Variants in ITGB1 observed in about 807,000 individuals in gnomAD.
ITGB1 encodes the protein integrin beta-1.
In ITGB1, 24 loss-of-function variants were observed where a neutral mutation model predicts 86.5. That is an observed-to-expected ratio of 0.28 (90% CI 0.20 to 0.39). The LOEUF (loss-of-function observed/expected upper bound fraction) is 0.39, where lower values mean the gene tolerates loss of function less well. Among genes scored for constraint, ITGB1 ranks in the 10% least tolerant of loss-of-function variants. The probability of loss-of-function intolerance (pLI) is 1.00; values close to 1 mark genes in which losing one functional copy is unlikely to be tolerated. For synonymous variants in ITGB1, 323 were observed against 316.8 expected, an observed-to-expected ratio of 1.02 and a Z score of -0.21; for missense variants, 556 against 946.9, an observed-to-expected ratio of 0.59 and a Z score of 5.42.
At chr10:32,930,757 G>T (rs1184314774) in intron 3 of ITGB1, among the ~76,000 whole-genome samples, 1 of 152,054 alleles carries the variant, frequency 6.6e-6, no homozygotes, top group Admixed American at 6.5e-5. Context: ...GTTCTTAATG[G>T]CAGGTGAATG....
chr10:32,923,069 A>G (rs1303911766), intron 7 of ITGB1, among the ~76,000 whole-genome samples: 2 of 152,206 alleles, frequency 1.3e-5, no homozygotes, highest in Non-Finnish European at 2.9e-5. Flanking sequence ...TTATCTATGT[A>G]TATTAAATAT....
chr10:32,906,979 C>A, intron 15 of ITGB1: 2 of 607,796 alleles, frequency 3.3e-6, no homozygotes, highest in East Asian at 6.0e-5. Context: ...AAAAAAAGAA[C>A]AGCAATAGTG....
rs1017436620 is a variant in ITGB1 at position 32,923,503 on chromosome 10, A to C, written c.942+82T>G. The C allele has an allele frequency of 8.6e-6, 11 of 1,271,876 alleles. No individual in the cohort carries two copies. The African/African-American group carries it at 1.5e-4, about 18-fold the overall frequency. The allele number at this position is 1,271,876 out of a possible 1,614,324, so 78.8% of individuals were successfully genotyped here. ...AAACCTCAAACCCTGAGAAACCCCA[A>C]GCCAGTCACCCACAAGCTCTTAGTA... On this transcript the variant is annotated intron_variant, in intron 7 of 15. Transcript: ENST00000302278.
intron 2 of ITGB1, among the ~76,000 whole-genome samples, chr10:32,934,794 A>C (rs2094995451): frequency 6.6e-6 from 1 of 151,992 alleles, no homozygotes; most frequent in African/African-American, 2.4e-5. Flanking sequence ...TTAGTTTCTC[A>C]TCTTGTTTAC....
At chr10:32,948,609 C>T (rs1360576042) in intron 1 of ITGB1, among the ~76,000 whole-genome samples, 1 of 152,082 alleles carries the variant, frequency 6.6e-6, no homozygotes, top group African/African-American at 2.4e-5. Context: ...GGGCTCTGCC[C>T]ACATGAATGG....
At chr10:32,945,757 GA>G (rs1214794607) in intron 1 of ITGB1, among the ~76,000 whole-genome samples, 3 of 151,508 alleles carry the variant, frequency 2.0e-5, no homozygotes, top group Non-Finnish European at 4.4e-5. Context: ...TAAAATTCCA[GA>G]AAAAAAAGCA....
At chr10:32,907,180 GA>G (rs80132666) in intron 15 of ITGB1, 66,181 of 844,190 alleles carry the variant, frequency 0.078, 3,903 homozygotes, top group South Asian at 0.24. Context: ...GATTTCATCA[GA>G]AAAAAAAAAT....
chr10:32,932,604 T>G lies in ITGB1; in HGVS notation c.68-4A>C. 6.5e-7 allele frequency: 1 copy of G among 1,541,960 alleles called. No individual in the cohort carries two copies. The highest frequency in any genetic ancestry group is 9.0e-7 in the Non-Finnish European group (1 of 1,114,856). On this transcript the variant is annotated splice_polypyrimidine_tract_variant and splice_region_variant and intron_variant, in intron 2 of 15. Transcript: ENST00000302278. ...GCTTTTAAACATCTATTTTCATCTG[T>G]CAGAAAGAAGAAAGAACAGAACATT...
chr10:32,951,707 T>G (rs1256776568), intron 1 of ITGB1: 1 of 152,224 alleles, frequency 6.6e-6, no homozygotes, highest in Admixed American at 6.5e-5. Flanking sequence ...ACCAGCCTAG[T>G]ATGCTGTTCC....
At chr10:32,908,190 TA>T in intron 15 of ITGB1, 177 bp downstream of exon 15, 7 of 621,596 alleles carry the variant, frequency 1.1e-5, no homozygotes, top group Non-Finnish European at 1.7e-5. Flanking sequence ...TTCAATGGGA[TA>T]TATTTAGGAT....
At chr10:32,915,613 G>A (rs1009688236) in intron 11 of ITGB1, among the ~76,000 whole-genome samples, 11 of 152,116 alleles carry the variant, frequency 7.2e-5, no homozygotes, top group African/African-American at 2.7e-4. Flanking sequence ...GACTAAACCA[G>A]GAAGAAGTTG....
chr10:32,913,316 CTT>C (rs1429280181), intron 11 of ITGB1, among the ~76,000 whole-genome samples: 2 of 152,192 alleles, frequency 1.3e-5, no homozygotes, highest in Non-Finnish European at 2.9e-5. Flanking sequence ...CGGAGAATGA[CTT>C]TGACAAGTTG....
At position 32,900,586 on chromosome 10, in the gene ITGB1, A is replaced by G. The variant is rs200403307; in HGVS notation, c.*984T>C. Reference sequence around the variant, plus strand: ...ACTCAAAGTAAGACTCGCGTAGGTGAGAGCTGTTGCATAGCCACAGTATAA... The same window carrying G: ...ACTCAAAGTAAGACTCGCGTAGGTGGGAGCTGTTGCATAGCCACAGTATAA... On this transcript the variant is annotated 3_prime_UTR_variant, in exon 16 of 16. Coordinates refer to ENST00000302278, the MANE Select transcript of ITGB1 (RefSeq NM_002211.4). The G allele has an allele frequency of 1.4e-5, 2 of 148,144 alleles. No homozygotes were observed. The highest frequency in any genetic ancestry group is 2.2e-4 in the South Asian group (1 of 4,504). The allele number at this position is 148,144 out of a possible 1,614,324, so 9.2% of individuals were successfully genotyped here.
chr10:32,913,223 GA>G (rs2137175905), intron 11 of ITGB1, among the ~76,000 whole-genome samples: 1 of 152,300 alleles, frequency 6.6e-6, no homozygotes, highest in East Asian at 1.9e-4. Flanking sequence ...AACCAGAGCA[GA>G]AAAGCTGAAA....
chr10:32,913,969 C>T (rs879923431), intron 11 of ITGB1, among the ~76,000 whole-genome samples: 1 of 152,140 alleles, frequency 6.6e-6, no homozygotes, highest in Non-Finnish European at 1.5e-5. Context: ...GCAGATCTCT[C>T]GGCAGAAACT....
At chr10:32,939,429 T>C (rs1329540940) in intron 1 of ITGB1, among the ~76,000 whole-genome samples, 5 of 152,326 alleles carry the variant, frequency 3.3e-5, no homozygotes, top group African/African-American at 1.2e-4. Context: ...AATCTCATCT[T>C]TGTGCAACCA....
chr10:32,912,412 C>T (rs748694928), intron 11 of ITGB1, among the ~76,000 whole-genome samples: 42 of 152,290 alleles, frequency 2.8e-4, no homozygotes, highest in African/African-American at 3.6e-4. Flanking sequence ...CTGTGACAGA[C>T]GGTACCTGGA....
intron 1 of ITGB1, among the ~76,000 whole-genome samples, chr10:32,954,710 A>G (rs2095049002): frequency 6.6e-6 from 1 of 152,200 alleles, no homozygotes; most frequent in Non-Finnish European, 1.5e-5. Flanking sequence ...GATTGGTCCT[A>G]TAAGAAATAC....
Position 32,916,653 on chromosome 10 carries a change from CAAG to C in ITGB1, c.1469+3229_1469+3231del, listed in dbSNP as rs538945608. On this transcript the variant is annotated intron_variant, in intron 11 of 15. Coordinates refer to ENST00000302278, the MANE Select transcript of ITGB1 (RefSeq NM_002211.4). The stretch of plus-strand genomic sequence containing the variant: ...CTACAAGGGATGTGAAGGACCTCTT[CAAG>C]AAGAACTACAAACCACTGCTCAACG... Among the ~76,000 whole-genome samples, 1,072 of 152,226 alleles carry C rather than the reference CAAG, an allele frequency of 7.0e-3. 13 individuals carry two copies. Among genetic ancestry groups the C allele is most frequent in the African/African-American group, 0.025 (1,023 of 41,536 alleles).
Sources: gnomAD v4.1 joint callset for allele counts (sites outside exome capture counted in the v4.1 genomes callset) on GRCh38, gnomAD v4.1.1 for gene constraint, MANE v1.5 for transcripts, NCBI Gene and HGNC (gene_info 2026-07-23, HGNC 2026-07-21) for gene names.